The following EIF4E1B variants were observed in gnomAD, a reference collection of about 807,000 sequenced individuals.
The protein encoded by EIF4E1B is eukaryotic translation initiation factor 4E type 1B.
EIF4E1B carries 22 observed loss-of-function variants against 31.3 expected under a neutral mutation model. That is an observed-to-expected ratio of 0.70 (90% CI 0.50 to 1.00). The LOEUF (loss-of-function observed/expected upper bound fraction) is 1.00, where lower values mean the gene tolerates loss of function less well. Ranked by LOEUF, EIF4E1B falls within the 50% of genes least tolerant of loss-of-function variation. EIF4E1B has a pLI of 0.00. For missense variants in EIF4E1B, 290 were observed against 311.6 expected (o/e 0.93, Z 0.52); for synonymous variants, 126 against 120.2 (o/e 1.05, Z -0.31).
intron 5 of EIF4E1B, chr5:176,644,072 G>C: frequency 1.8e-6 from 1 of 556,876 alleles, no homozygotes; most frequent in Non-Finnish European, 3.2e-6. Flanking sequence ...CACGGGAGTG[G>C]CTCTGAAAAG....
rs56115420 is a variant in EIF4E1B at position 176,642,865 on chromosome 5, C to CCCCCCCCG, written c.15+63_15+64insCCCCCCCG. 3.3e-4 allele frequency: 383 copies of CCCCCCCCG among 1,172,894 alleles called. 13 individuals are homozygous for CCCCCCCCG. The highest frequency in any genetic ancestry group is 1.5e-3 in the African/African-American group (64 of 43,340). 72.7% of individuals were successfully genotyped at this position (1,172,894 alleles called of 1,614,324 possible). On this transcript the variant is annotated intron_variant, in intron 3 of 8. Transcript: ENST00000318682. ...GCCCCGCCCTCTCCCCCCCCCCCCC[C>CCCCCCCCG]GCCCCAGGTGGGCGGGGCAGGTGCT...
At chr5:176,644,195 C>A in intron 5 of EIF4E1B, 181 bp from the exon 6 acceptor site, 1 of 643,112 alleles carries the variant, frequency 1.6e-6, no homozygotes. Context: ...TGGGAAGGCT[C>A]TGTGGAAAAG....
intron 1 of EIF4E1B, among the ~76,000 whole-genome samples, chr5:176,632,979 G>A (rs540632110): frequency 5.2e-4 from 79 of 152,274 alleles, no homozygotes; most frequent in African/African-American, 1.8e-3. Flanking sequence ...GGTGTGTTCT[G>A]GTGTGGAAAA....
rs781279936 is a variant in EIF4E1B at position 176,643,086 on chromosome 5, G to A, written c.20G>A (p.Ser7Asn). The A allele has an allele frequency of 6.2e-7, 1 of 1,610,300 alleles. No individual in the cohort carries two copies. Among genetic ancestry groups the A allele is most frequent in the African/African-American group, 1.3e-5 (1 of 74,870 alleles). Residue 7 changes from serine (S) to asparagine (N), a missense_variant, in exon 4 of 9, where the codon AGT becomes AAT. Ser to Asn is a conservative substitution (Grantham distance 46, BLOSUM62 1). Transcript: ENST00000318682. Reference sequence around the variant, plus strand: ...TGACTCCTTTTTTTGGCTCAGGTGAGTGAAGCTGAGGGTGGAATCCGAGAG... The same window carrying A: ...TGACTCCTTTTTTTGGCTCAGGTGAATGAAGCTGAGGGTGGAATCCGAGAG... MLAVEV[S>N]EAEGGIREWE...
rs1342984580 is a variant in EIF4E1B, at chr5:176,643,106, C to T, written c.40C>T (p.Arg14Ter). 10 of 1,612,868 alleles carry T rather than the reference C, an allele frequency of 6.2e-6. No homozygotes were observed. The highest frequency in any genetic ancestry group is 2.2e-5 in the South Asian group (2 of 90,908). The change falls in exon 4 of 9, where the codon CGA becomes TGA. Residue 14 changes from arginine to a stop codon, truncating the protein, a stop_gained. Transcript: ENST00000318682. LOFTEE classifies it high-confidence loss of function. ...VEVSEAEGGI[R>*]EWEEEEKEEE... ...GGTGAGTGAAGCTGAGGGTGGAATCCGAGAGTGGGAGGAGGAGGAGAAGGA... is the reference window on the plus strand; with the variant it reads ...GGTGAGTGAAGCTGAGGGTGGAATCTGAGAGTGGGAGGAGGAGGAGAAGGA...
Position 176,645,061 on chromosome 5 carries a change from G to T in EIF4E1B, c.361-69G>T. On this transcript the variant is annotated intron_variant, in intron 6 of 8. Coordinates refer to ENST00000318682, the MANE Select transcript of EIF4E1B (RefSeq NM_001099408.2). The surrounding 1 kb of genome is among the most constrained non-coding windows in gnomAD (Gnocchi z 5.4). ...GCCTCAGCAGAGAGCGGATAAGGCC[G>T]GGATGGTGGGTGGGTCCCCATTTCC... 1 of 1,390,396 alleles carries T rather than the reference G, an allele frequency of 7.2e-7. No individual in the cohort carries two copies. Among genetic ancestry groups the T allele is most frequent in the Non-Finnish European group, 9.9e-7 (1 of 1,011,438 alleles). 86.1% of individuals were successfully genotyped at this position (1,390,396 alleles called of 1,614,324 possible). A position where few individuals can be genotyped will look rare whatever the true frequency, so the allele number is the denominator to read the frequency against.
At chr5:176,644,909 A>G (rs1032548402) in intron 6 of EIF4E1B, among the ~76,000 whole-genome samples, 1 of 152,176 alleles carries the variant, frequency 6.6e-6, no homozygotes, top group African/African-American at 2.4e-5. Flanking sequence ...ACTCAGTAAA[A>G]GAGACATGCA....
In EIF4E1B at chr5:176,640,641, A is replaced by C. The variant is rs115491657; in HGVS notation, c.-201-1402A>C. Among the ~76,000 whole-genome samples the C allele has an allele frequency of 8.1e-3, 1,232 of 152,314 alleles. 16 individuals are homozygous for C. Among genetic ancestry groups the C allele is most frequent in the African/African-American group, 0.025 (1,052 of 41,560 alleles). On this transcript the variant is annotated intron_variant, in intron 1 of 8. Transcript: ENST00000318682. ...TTTCCCCACACCTTCTTGCAGCCAC[A>C]GGGTTCTGTTTCCTACACAGCAATC...
intron 1 of EIF4E1B, among the ~76,000 whole-genome samples, chr5:176,633,418 ATTTG>A (rs1309104349): frequency 2.6e-5 from 4 of 151,846 alleles, no homozygotes; most frequent in South Asian, 2.1e-4. Context: ...AATATTTATT[ATTTG>A]TTTGTGATTT....
At chr5:176,634,658 A>T (rs919842268) in intron 1 of EIF4E1B, among the ~76,000 whole-genome samples, 1 of 147,730 alleles carries the variant, frequency 6.8e-6, no homozygotes. Context: ...CAATTCCTGA[A>T]GTTTTTTTTT....
Position 176,642,742 on chromosome 5 carries a change from A to ACAT in EIF4E1B, c.-46_-45insCAT. ...CCCCCATGGTGTGGGGCTTGGTCAC[A>ACAT]GCTGCTTCCCCAGCCCCAGGCCTGC... is the stretch of plus-strand genomic sequence containing the variant. On this transcript the variant is annotated 5_prime_UTR_variant, in exon 3 of 9. The change creates a new upstream start codon in the 5' untranslated region. Transcript: ENST00000318682. 1 of 1,555,292 alleles carries ACAT rather than the reference A, an allele frequency of 6.4e-7. No individual in the cohort carries two copies. Among genetic ancestry groups the ACAT allele is most frequent in the South Asian group, 1.2e-5 (1 of 84,112 alleles).
Position 176,645,514 on chromosome 5 carries a change from T to G in EIF4E1B, c.612T>G (p.Val204=). The change falls in exon 8 of 9, where the codon GTT becomes GTG. Residue 204 remains valine, a splice_region_variant and synonymous_variant. Transcript: ENST00000318682. The surrounding 1 kb of genome is among the most constrained non-coding windows in gnomAD (Gnocchi z 5.4). Reference sequence around the variant, plus strand: ...AAAACCAGGCGGGCGTGCTGCACGTTGGGTGAGGAGGGTCTCTGGCACAGG... The same window carrying G: ...AAAACCAGGCGGGCGTGCTGCACGTGGGGTGAGGAGGGTCTCTGGCACAGG... ...EAENQAGVLH[V]GRVYKERLGL... The G allele has an allele frequency of 6.6e-7, 1 of 1,512,792 alleles. No individual in the cohort carries two copies. The highest frequency in any genetic ancestry group is 1.4e-5 in the South Asian group (1 of 74,030). 93.7% of individuals were successfully genotyped at this position (1,512,792 alleles called of 1,614,324 possible).
rs75154504 is a variant in EIF4E1B, at chr5:176,645,285, G to A, written c.474+42G>A. On this transcript the variant is annotated intron_variant, in intron 7 of 8. Coordinates refer to ENST00000318682, the MANE Select transcript of EIF4E1B (RefSeq NM_001099408.2). The surrounding 1 kb of genome is among the most constrained non-coding windows in gnomAD (Gnocchi z 5.4). ...GGGTCCTCAGGGGAAGAGACGGGCT[G>A]TGTGGGTCTCATGGTGGCAGTGGTC... 11,125 of 1,594,910 alleles carry A rather than the reference G, an allele frequency of 7.0e-3. 567 individuals are homozygous for A. The African/African-American group carries it at 0.12, about 18-fold the overall frequency.
intron 1 of EIF4E1B, among the ~76,000 whole-genome samples, chr5:176,633,242 T>TTTG (rs1760437864): frequency 1.4e-5 from 2 of 144,110 alleles, no homozygotes; most frequent in African/African-American, 5.3e-5. Context: ...TGTTTGTTTG[T>TTTG]TTTAAGAGAT....
Position 176,645,636 on chromosome 5 carries a change from C to A in EIF4E1B, c.614+120C>A. 1 of 1,359,782 alleles carries A rather than the reference C, an allele frequency of 7.4e-7. No individual in the cohort carries two copies. Among genetic ancestry groups the A allele is most frequent in the Non-Finnish European group, 9.7e-7 (1 of 1,028,350 alleles). The allele number at this position is 1,359,782 out of a possible 1,614,324, so 84.2% of individuals were successfully genotyped here. A position where few individuals can be genotyped will look rare whatever the true frequency, so the allele number is the denominator to read the frequency against. ...GTCTCCATAGCCTCCCTCCCTTCTG[C>A]CTTGCCCACCTGTATGGAAGGTCTG... On this transcript the variant is annotated intron_variant, in intron 8 of 8. Coordinates refer to ENST00000318682, the MANE Select transcript of EIF4E1B (RefSeq NM_001099408.2). The surrounding 1 kb of genome is among the most constrained non-coding windows in gnomAD (Gnocchi z 5.4).
At position 176,642,757 on chromosome 5, in the gene EIF4E1B, C is replaced by G. The variant is rs1159999379; in HGVS notation, c.-31C>G. 1.3e-6 allele frequency: 2 copies of G among 1,558,970 alleles called. No individual in the cohort carries two copies. Among genetic ancestry groups the G allele is most frequent in the Non-Finnish European group, 1.7e-6 (2 of 1,151,626 alleles). On this transcript the variant is annotated 5_prime_UTR_variant, in exon 3 of 9. Coordinates refer to ENST00000318682, the MANE Select transcript of EIF4E1B (RefSeq NM_001099408.2). ...GCTTGGTCACAGCTGCTTCCCCAGCCCCAGGCCTGCACGAAGAAGGCACTC... is the reference window on the plus strand; with the variant it reads ...GCTTGGTCACAGCTGCTTCCCCAGCGCCAGGCCTGCACGAAGAAGGCACTC...
At chr5:176,644,513 T>A in intron 6 of EIF4E1B, 74 bp downstream of exon 6, 1 of 430,980 alleles carries the variant, frequency 2.3e-6, no homozygotes, top group Non-Finnish European at 3.8e-6. Flanking sequence ...ACTGCGTTAA[T>A]CCCTCAGAGG....
At chr5:176,634,527 T>C (rs1760462760) in intron 1 of EIF4E1B, among the ~76,000 whole-genome samples, 1 of 152,130 alleles carries the variant, frequency 6.6e-6, no homozygotes, top group Non-Finnish European at 1.5e-5. Context: ...GCACAGATAA[T>C]AGTAAAATAA....
rs1234594268 is a variant in EIF4E1B at position 176,646,110 on chromosome 5, C to A, written c.*130C>A. 1 of 760,008 alleles carries A rather than the reference C, an allele frequency of 1.3e-6. No homozygotes were observed. The highest frequency in any genetic ancestry group is 1.8e-5 in the African/African-American group (1 of 56,634). 47.1% of individuals were successfully genotyped at this position (760,008 alleles called of 1,614,324 possible). ...GTCCTCAAGTGAACAGGAATGCAAA[C>A]ACTCTTTAACATGAGTTGGGGCCTG... On this transcript the variant is annotated 3_prime_UTR_variant, in exon 9 of 9. Transcript: ENST00000318682.
Sources: gnomAD v4.1 joint callset for allele counts (sites outside exome capture counted in the v4.1 genomes callset) on GRCh38, gnomAD v4.1.1 for gene constraint, Gnocchi (gnomAD v3.1) non-coding constraint, MANE v1.5 for transcripts, NCBI Gene and HGNC (gene_info 2026-07-23, HGNC 2026-07-21) for gene names.